The following COL22A1 variants were observed in gnomAD, a reference collection of about 807,000 sequenced individuals.
The protein encoded by COL22A1 is collagen type XXII alpha 1 chain, also known as collagen alpha-1(XXII) chain.
In COL22A1, 221 loss-of-function variants were observed where a neutral mutation model predicts 248.9. The observed-to-expected ratio is 0.89, with a 90% confidence interval of 0.80 to 0.99. The LOEUF is 0.99. Among genes scored for constraint, COL22A1 ranks in the 50% least tolerant of loss-of-function variants. COL22A1 has a pLI of 0.00. For synonymous variants in COL22A1, 891 were observed against 793.4 expected (o/e 1.12, Z -2.07); for missense variants, 2,240 against 2,179.0 (o/e 1.03, Z -0.56).
chr8:138,636,480 A>AGAAAT (rs1554726162), intron 48 of COL22A1, among the ~76,000 whole-genome samples: 3 of 46,568 alleles, frequency 6.4e-5, no homozygotes, highest in Admixed American at 2.3e-4. Flanking sequence ...AAGAGAAGGA[A>AGAAAT]GAAAGGAAAG....
intron 46 of COL22A1, among the ~76,000 whole-genome samples, chr8:138,646,990 T>C (rs1448468363): frequency 1.3e-5 from 2 of 152,188 alleles, no homozygotes; most frequent in Non-Finnish European, 2.9e-5. Flanking sequence ...TGTTCCAGGT[T>C]TGGTCTCTAT....
chr8:138,782,382 G>A (rs753181799), intron 12 of COL22A1, among the ~76,000 whole-genome samples: 10 of 152,170 alleles, frequency 6.6e-5, no homozygotes, highest in Admixed American at 1.3e-4. Context: ...CACATCTGGC[G>A]AATTTTTGTA....
intron 45 of COL22A1, among the ~76,000 whole-genome samples, chr8:138,653,318 G>A (rs1237946651): frequency 6.6e-6 from 1 of 152,188 alleles, no homozygotes; most frequent in Non-Finnish European, 1.5e-5. Context: ...CTCACTAGCT[G>A]CCTGGACTTC....
At position 138,755,186 on chromosome 8, in the gene COL22A1, G is replaced by A; in HGVS notation, c.2002C>T (p.Gln668Ter). ...EQGAPGPRGH[Q>*]GAPGPPGARG... ...GCTCCTGGAGGACCGGGGGCGCCTTGGTGACCTCTGGGTCCTGGAGCTCCC... is the reference window on the plus strand; with the variant it reads ...GCTCCTGGAGGACCGGGGGCGCCTTAGTGACCTCTGGGTCCTGGAGCTCCC... Residue 668 changes from glutamine (Q) to a stop codon, truncating the protein, a stop_gained, in exon 21 of 65, where the codon CAA becomes TAA. Coordinates refer to ENST00000303045, the MANE Select transcript of COL22A1 (RefSeq NM_152888.3). LOFTEE classifies it high-confidence loss of function. The A allele has an allele frequency of 6.2e-7, 1 of 1,614,080 alleles. No homozygotes were observed. The highest frequency in any genetic ancestry group is 8.5e-7 in the Non-Finnish European group (1 of 1,180,010).
At chr8:138,752,054 G>A (rs965844401) in intron 21 of COL22A1, among the ~76,000 whole-genome samples, 4 of 152,210 alleles carry the variant, frequency 2.6e-5, no homozygotes, top group South Asian at 2.1e-4. Flanking sequence ...GTCCTGCCTC[G>A]ATTCTGCCTC....
chr8:138,597,065 G>GTA (rs1310490990), intron 61 of COL22A1, 95 bp from the exon 62 acceptor site: 1 of 926,836 alleles, frequency 1.1e-6, no homozygotes, highest in East Asian at 2.4e-5. Context: ...TTCGTAGGTG[G>GTA]TATATACCCA....
intron 30 of COL22A1, among the ~76,000 whole-genome samples, chr8:138,704,851 C>T (rs11778212): frequency 0.23 from 35,028 of 152,044 alleles, 4,303 homozygotes; most frequent in African/African-American, 0.31. Flanking sequence ...GGAGGATGTT[C>T]GAACCCATTG....
chr8:138,796,312 T>C (rs1816519982), intron 12 of COL22A1, among the ~76,000 whole-genome samples: 1 of 151,688 alleles, frequency 6.6e-6, no homozygotes, highest in South Asian at 2.1e-4. Context: ...TCTTCTGATG[T>C]CCTTTATTTT....
chr8:138,660,721 C>T (rs921113662), intron 43 of COL22A1, among the ~76,000 whole-genome samples: 10 of 152,196 alleles, frequency 6.6e-5, no homozygotes, highest in African/African-American at 2.4e-4. Context: ...CCCACAACTC[C>T]TGTCCTAAAC....
chr8:138,658,598 A>T (rs935733246), intron 44 of COL22A1, among the ~76,000 whole-genome samples: 5 of 152,200 alleles, frequency 3.3e-5, no homozygotes, highest in African/African-American at 1.2e-4. Flanking sequence ...GAGAGGACAA[A>T]TGGAAGCTTG....
chr8:138,684,415 A>C lies in COL22A1; in HGVS notation c.3012+10T>G, dbSNP rs1294963421. On this transcript the variant is annotated intron_variant, in intron 39 of 64. Transcript: ENST00000303045. ...CGTGGCACCCACAGTTTTCTTGGACAAGCACTCACCTTGGTTCCTAGGGGT... is the reference window on the plus strand; with the variant it reads ...CGTGGCACCCACAGTTTTCTTGGACCAGCACTCACCTTGGTTCCTAGGGGT... 6.2e-7 allele frequency: 1 copy of C among 1,602,122 alleles called. No individual in the cohort carries two copies. Among genetic ancestry groups the C allele is most frequent in the South Asian group, 1.1e-5 (1 of 90,818 alleles).
At chr8:138,720,235 G>A (rs1007044148) in intron 27 of COL22A1, among the ~76,000 whole-genome samples, 9 of 152,128 alleles carry the variant, frequency 5.9e-5, no homozygotes, top group African/African-American at 1.4e-4. Context: ...TGAACTCTAC[G>A]GATTGCATCT....
At chr8:138,643,766 C>T (rs1821950741) in intron 47 of COL22A1, among the ~76,000 whole-genome samples, 1 of 152,216 alleles carries the variant, frequency 6.6e-6, no homozygotes, top group East Asian at 1.9e-4. Flanking sequence ...GTGTCACAAT[C>T]TTCACTCACT....
chr8:138,803,369 G>A (rs1409410994), intron 10 of COL22A1, among the ~76,000 whole-genome samples: 1 of 151,974 alleles, frequency 6.6e-6, no homozygotes, highest in Admixed American at 6.6e-5. Context: ...GAGCATAAAG[G>A]TGCTTTGAAA....
At chr8:138,836,940 C>A (rs1338500371) in intron 4 of COL22A1, among the ~76,000 whole-genome samples, 2 of 152,304 alleles carry the variant, frequency 1.3e-5, no homozygotes, top group Non-Finnish European at 2.9e-5. Flanking sequence ...CACTGGGCAT[C>A]TATTATGTTT....
chr8:138,600,458 C>A (rs1443622059), intron 60 of COL22A1, among the ~76,000 whole-genome samples: 2 of 152,120 alleles, frequency 1.3e-5, no homozygotes, highest in South Asian at 4.1e-4. Flanking sequence ...CAATAGATAA[C>A]GTCTGACATG....
chr8:138,641,835 A>AT, intron 47 of COL22A1, among the ~76,000 whole-genome samples: 1 of 152,328 alleles, frequency 6.6e-6, no homozygotes, highest in South Asian at 2.1e-4. Context: ...CAGGGGTAGC[A>AT]TTTTCAGTTT....
intron 30 of COL22A1, among the ~76,000 whole-genome samples, chr8:138,710,766 A>G (rs1828897630): frequency 6.6e-6 from 1 of 152,164 alleles, no homozygotes; most frequent in Non-Finnish European, 1.5e-5. Context: ...CTAAAGTTCC[A>G]GTAGCTTCAG....
chr8:138,602,053 C>T (rs1166321320), intron 60 of COL22A1, 62 bp downstream of exon 60: 13 of 1,578,078 alleles, frequency 8.2e-6, no homozygotes, highest in Non-Finnish European at 1.1e-5. Context: ...GGCTCAACAT[C>T]CTGTGGCCAC....
Sources: allele counts gnomAD v4.1 joint callset (sites outside exome capture counted in the v4.1 genomes callset), GRCh38; gene constraint gnomAD v4.1.1; transcripts MANE v1.5; gene names NCBI Gene and HGNC (gene_info 2026-07-23, HGNC 2026-07-21).